The following GNB1 variants were observed in gnomAD, a reference collection of about 807,000 sequenced individuals.
The protein encoded by GNB1 is G protein subunit beta 1.
Under a neutral mutation model 42.9 loss-of-function variants are expected in GNB1, and 2 were observed. The ratio of observed to expected loss-of-function variants is 0.05; its 90% CI spans 0.02 to 0.15. GNB1 has a LOEUF of 0.15. Among genes scored for constraint, GNB1 ranks in the 10% least tolerant of loss-of-function variants. GNB1 has a pLI of 1.00. For synonymous variants in GNB1, 183 were observed against 174.7 expected (o/e 1.05, Z -0.38); for missense variants, 193 against 462.2 (o/e 0.42, Z 5.34).
At chr1:1,876,417 C>A (rs768536334) in intron 1 of GNB1, among the ~76,000 whole-genome samples, 1 of 151,848 alleles carries the variant, frequency 6.6e-6, no homozygotes, top group Non-Finnish European at 1.5e-5. Context: ...TCCTGGATAG[C>A]TGGGACTACA....
At chr1:1,866,288 TGA>T (rs1380388512) in intron 1 of GNB1, among the ~76,000 whole-genome samples, 3 of 152,178 alleles carry the variant, frequency 2.0e-5, no homozygotes, top group African/African-American at 7.2e-5. Flanking sequence ...ATTCACCCCA[TGA>T]GATACCACGT....
Position 1,815,011 on chromosome 1 carries a change from G to C in GNB1, c.203+745C>G, listed in dbSNP as rs571189620. On this transcript the variant is annotated intron_variant, in intron 5 of 11. Coordinates refer to ENST00000378609, the MANE Select transcript of GNB1 (RefSeq NM_002074.5). The stretch of plus-strand genomic sequence containing the variant: ...CCTGTAGTCCCAGCTACTAGGGAGG[G>C]TGAGGCAGGAGAATGGCGTGAACCC... Among the ~76,000 whole-genome samples, 1,235 of 151,312 alleles carry C rather than the reference G, an allele frequency of 8.2e-3. 21 individuals carry two copies. The highest frequency in any genetic ancestry group is 0.029 in the African/African-American group (1,198 of 41,278).
chr1:1,861,864 A>C (rs780018818), intron 1 of GNB1, among the ~76,000 whole-genome samples: 1 of 152,188 alleles, frequency 6.6e-6, no homozygotes, highest in Non-Finnish European at 1.5e-5. Context: ...CACCAGACCC[A>C]AAGTGAGGGA....
intron 1 of GNB1, among the ~76,000 whole-genome samples, chr1:1,849,329 G>A (rs1647854157): frequency 6.6e-6 from 1 of 152,184 alleles, no homozygotes; most frequent in Non-Finnish European, 1.5e-5. Flanking sequence ...ACTGCAGTGT[G>A]ATGGGATACA....
intron 5 of GNB1, among the ~76,000 whole-genome samples, chr1:1,807,684 A>G (rs1646720497): frequency 6.6e-6 from 1 of 151,792 alleles, no homozygotes; most frequent in South Asian, 2.1e-4. Context: ...AGCAGAGACC[A>G]GTAACTATCA....
intron 1 of GNB1, among the ~76,000 whole-genome samples, chr1:1,847,844 T>C (rs1293296450): frequency 1.3e-5 from 2 of 152,132 alleles, no homozygotes; most frequent in Admixed American, 6.6e-5. Context: ...CAAGAGCTAT[T>C]AGACACCACA....
At chr1:1,821,620 C>T (rs1430486808) in intron 3 of GNB1, among the ~76,000 whole-genome samples, 2 of 152,184 alleles carry the variant, frequency 1.3e-5, no homozygotes, top group East Asian at 1.9e-4. Flanking sequence ...GTCCCTGTCT[C>T]GTGCAAAGGA....
intron 1 of GNB1, among the ~76,000 whole-genome samples, chr1:1,877,715 G>A (rs1649626918): frequency 6.6e-6 from 1 of 152,056 alleles, no homozygotes; most frequent in Admixed American, 6.6e-5. Context: ...GAGACAACAG[G>A]AACAAGATCT....
chr1:1,835,025 G>T (rs1002352022), intron 2 of GNB1, among the ~76,000 whole-genome samples: 1 of 152,236 alleles, frequency 6.6e-6, no homozygotes, highest in South Asian at 2.1e-4. Context: ...AGACTGCTGT[G>T]TGCCATGCCA....
chr1:1,806,160 A>G (rs1192639199), intron 6 of GNB1, among the ~76,000 whole-genome samples: 1 of 152,232 alleles, frequency 6.6e-6, no homozygotes, highest in African/African-American at 2.4e-5. Context: ...TCTATAAATA[A>G]AACATGAAAC....
chr1:1,881,203 T>C (rs1414644857), intron 1 of GNB1, among the ~76,000 whole-genome samples: 2 of 152,102 alleles, frequency 1.3e-5, no homozygotes, highest in African/African-American at 2.4e-5. Context: ...GTCATTTACA[T>C]CTTTCTCGCC....
intron 7 of GNB1, among the ~76,000 whole-genome samples, chr1:1,796,633 G>A (rs551901345): frequency 1.3e-5 from 2 of 152,336 alleles, no homozygotes; most frequent in South Asian, 2.1e-4. Context: ...TCCTCCCCTG[G>A]TGCGGGGGCC....
At chr1:1,846,382 C>T (rs1014811995) in intron 1 of GNB1, among the ~76,000 whole-genome samples, 2 of 152,010 alleles carry the variant, frequency 1.3e-5, no homozygotes, top group Admixed American at 6.6e-5. Flanking sequence ...GCCAGGCCAA[C>T]GTGGTGAAAC....
intron 3 of GNB1, among the ~76,000 whole-genome samples, chr1:1,819,480 C>CA (rs573018298): frequency 1.4e-4 from 22 of 152,104 alleles, no homozygotes; most frequent in South Asian, 8.3e-4. Flanking sequence ...CTCAGCCTCC[C>CA]AAAGTGCTGG....
intron 2 of GNB1, among the ~76,000 whole-genome samples, chr1:1,834,380 C>T (rs1437784253): frequency 6.6e-6 from 1 of 152,204 alleles, no homozygotes; most frequent in Admixed American, 6.5e-5. Context: ...TCTGCTCTCC[C>T]TTTTCTAACC....
At chr1:1,812,869 C>T (rs1204494300) in intron 5 of GNB1, among the ~76,000 whole-genome samples, 1 of 145,134 alleles carries the variant, frequency 6.9e-6, no homozygotes, top group Admixed American at 6.9e-5. Context: ...GTTCACACAC[C>T]CATCTCTTCG....
At chr1:1,811,702 A>C (rs1241924473) in intron 5 of GNB1, among the ~76,000 whole-genome samples, 1 of 151,910 alleles carries the variant, frequency 6.6e-6, no homozygotes, top group Non-Finnish European at 1.5e-5. Flanking sequence ...TCAAAAAAAC[A>C]GAAAGACAAA....
chr1:1,862,395 C>A (rs1273624579), intron 1 of GNB1, among the ~76,000 whole-genome samples: 1 of 152,128 alleles, frequency 6.6e-6, no homozygotes, highest in Non-Finnish European at 1.5e-5. Context: ...CACCCATTAA[C>A]TTCTCCCCAC....
In GNB1 at chr1:1,789,179, A is replaced by G; in HGVS notation, c.790T>C (p.Tyr264His). ...CCGCAGATGATGTTGTCATGGGAGT[A>G]AGTCATGAGCTCCTGGTCAGCACGA... Reference protein sequence around the residue: ...DLRADQELMTYSHDNIICGIT... With the variant: ...DLRADQELMTHSHDNIICGIT... The change falls in exon 10 of 12, where the codon TAC (tyrosine) becomes CAC (histidine). Residue 264 changes from tyrosine (Y) to histidine (H), a missense_variant. Tyr to His is a moderately conservative substitution (Grantham distance 83, BLOSUM62 2). Around this residue, in one of 2 missense-constraint regions of GNB1, gnomAD observed 150 missense variants for 410.8 expected, o/e 0.37. Coordinates refer to ENST00000378609, the MANE Select transcript of GNB1 (RefSeq NM_002074.5). 1 of 1,613,230 alleles carries G rather than the reference A, an allele frequency of 6.2e-7. No individual in the cohort carries two copies. Among genetic ancestry groups the G allele is most frequent in the Non-Finnish European group, 8.5e-7 (1 of 1,179,118 alleles).
Sources: allele counts gnomAD v4.1 joint callset (sites outside exome capture counted in the v4.1 genomes callset), GRCh38; gene constraint gnomAD v4.1.1; regional missense constraint gnomAD v4.1.1; transcripts MANE v1.5; gene names NCBI Gene and HGNC (gene_info 2026-07-23, HGNC 2026-07-21).